BTAF1: variants seen among roughly 807,000 people sequenced by gnomAD.
BTAF1 encodes TATA-binding protein-associated factor 172.
A neutral mutation model predicts 227.1 loss-of-function variants in BTAF1; 38 were observed. That is an observed-to-expected ratio of 0.17 (90% CI 0.13 to 0.22). The LOEUF is 0.22. Among genes scored for constraint, BTAF1 ranks in the 10% least tolerant of loss-of-function variants. BTAF1 has a pLI of 1.00. For synonymous variants in BTAF1, 742 were observed against 751.9 expected (o/e 0.99, Z 0.21); for missense variants, 1,598 against 2,204.0 (o/e 0.73, Z 5.51).
At chr10:92,006,967 T>A (rs932530129) in intron 25 of BTAF1, among the ~76,000 whole-genome samples, 4 of 151,834 alleles carry the variant, frequency 2.6e-5, no homozygotes, top group Non-Finnish European at 4.4e-5. Flanking sequence ...AGTTAGTACA[T>A]CCAGGATGGA....
intron 18 of BTAF1, among the ~76,000 whole-genome samples, chr10:91,983,590 T>G (rs1378236078): frequency 1.3e-5 from 2 of 152,148 alleles, no homozygotes; most frequent in African/African-American, 2.4e-5. Flanking sequence ...CAGCAAGTGT[T>G]GACAGTTAGG....
Position 91,935,784 on chromosome 10 carries a change from A to G in BTAF1, c.138+4A>G. The G allele has an allele frequency of 1.3e-6, 2 of 1,599,692 alleles. No homozygotes were observed. The highest frequency in any genetic ancestry group is 8.5e-7 in the Non-Finnish European group (1 of 1,172,670). On this transcript the variant is annotated splice_donor_region_variant and intron_variant, in intron 2 of 37. Coordinates refer to ENST00000265990, the MANE Select transcript of BTAF1 (RefSeq NM_003972.3). ...ACTAAATAATCTCCTGTCTAAAGTA[A>G]GAACTTTTTTTTTTCTTTTAGCATA...
At position 92,028,853 on chromosome 10, in the gene BTAF1, G is replaced by A. The variant is rs986081512; in HGVS notation, c.5470G>A (p.Glu1824Lys). The change falls in exon 38 of 38, where the codon GAA becomes AAA. Residue 1824 changes from glutamate (E) to lysine (K), a missense_variant. Physicochemically the swap from Glu to Lys is moderately conservative, Grantham distance 56. Transcript: ENST00000265990. ...GAAAGCAAGTATGAAATCAATTCTT[G>A]AAAACCTGAGTGATCTTTGGGATCA... is the stretch of plus-strand genomic sequence containing the variant. ...SGKASMKSIL[E>K]NLSDLWDQEQ... 6.2e-7 allele frequency: 1 copy of A among 1,607,240 alleles called. No individual in the cohort carries two copies. The highest frequency in any genetic ancestry group is 8.5e-7 in the Non-Finnish European group (1 of 1,177,606).
At chr10:91,953,582 C>T (rs1369811646) in intron 5 of BTAF1, among the ~76,000 whole-genome samples, 155 bp from the exon 6 acceptor site, 1 of 152,086 alleles carries the variant, frequency 6.6e-6, no homozygotes, top group African/African-American at 2.4e-5. Flanking sequence ...AATTATGGTA[C>T]AGTCATACAA....
chr10:91,968,311 T>C (rs1197874342), intron 14 of BTAF1, among the ~76,000 whole-genome samples: 1 of 152,236 alleles, frequency 6.6e-6, no homozygotes, highest in African/African-American at 2.4e-5. Context: ...GTATGCTGCC[T>C]TTTCAAATTG....
At position 92,029,083 on chromosome 10, in the gene BTAF1, G is replaced by T; in HGVS notation, c.*150G>T. The T allele has an allele frequency of 9.6e-6, 6 of 625,826 alleles. No individual in the cohort carries two copies. Among genetic ancestry groups the T allele is most frequent in the Non-Finnish European group, 1.5e-5 (6 of 396,868 alleles). 38.8% of individuals were successfully genotyped at this position (625,826 alleles called of 1,614,324 possible). On this transcript the variant is annotated 3_prime_UTR_variant, in exon 38 of 38. Coordinates refer to ENST00000265990, the MANE Select transcript of BTAF1 (RefSeq NM_003972.3). Reference sequence around the variant, plus strand: ...TAATGCTGGCTCTTGTTTCACTGGGGGAAACAAGTTATTCTCAAATATTTG... The same window carrying T: ...TAATGCTGGCTCTTGTTTCACTGGGTGAAACAAGTTATTCTCAAATATTTG...
In BTAF1 at chr10:92,031,236, G is replaced by A. The variant is rs538594229; in HGVS notation, c.*2303G>A. 6.6e-6 allele frequency among the ~76,000 whole-genome samples: 1 copy of A among 152,116 alleles called. No homozygotes were observed. The highest frequency in any genetic ancestry group is 2.1e-4 in the South Asian group (1 of 4,822). The stretch of plus-strand genomic sequence containing the variant: ...AAAATCTTAACATTTGGGGGCCTGG[G>A]TATAATTTTTGTTTCATATATTCAC... On this transcript the variant is annotated 3_prime_UTR_variant, in exon 38 of 38. Coordinates refer to ENST00000265990, the MANE Select transcript of BTAF1 (RefSeq NM_003972.3).
chr10:92,005,185 C>CT (rs888018493), intron 25 of BTAF1, among the ~76,000 whole-genome samples: 25 of 151,924 alleles, frequency 1.6e-4, no homozygotes, highest in Admixed American at 6.6e-4. Flanking sequence ...AGCTTTGTTC[C>CT]TTTTGCTCAA....
chr10:91,965,270 G>A (rs1358567719), intron 13 of BTAF1, among the ~76,000 whole-genome samples: 1 of 152,158 alleles, frequency 6.6e-6, no homozygotes, highest in Admixed American at 6.5e-5. Context: ...TAAGCTGCAA[G>A]ATGAAGGGGT....
intron 18 of BTAF1, 44 bp downstream of exon 18, chr10:91,982,805 C>A (rs765384327): frequency 2.0e-6 from 3 of 1,515,446 alleles, no homozygotes; most frequent in Admixed American, 1.9e-5. Flanking sequence ...TTAAGTAAAC[C>A]AATTTCCATT....
chr10:92,002,760 A>G (rs1849634018), intron 25 of BTAF1, among the ~76,000 whole-genome samples: 1 of 152,172 alleles, frequency 6.6e-6, no homozygotes, highest in Non-Finnish European at 1.5e-5. Flanking sequence ...TTTAATTGAA[A>G]TTCTGTTTCC....
intron 19 of BTAF1, among the ~76,000 whole-genome samples, 186 bp downstream of exon 19, chr10:91,984,590 A>T (rs1441475505): frequency 6.6e-6 from 1 of 152,142 alleles, no homozygotes; most frequent in Non-Finnish European, 1.5e-5. Flanking sequence ...TAAGAGAATA[A>T]CAAAGAATTT....
rs1347250870 is a variant in BTAF1 at position 91,953,816 on chromosome 10, T to G, written c.644T>G (p.Met215Arg). 1 of 1,613,918 alleles carries G rather than the reference T, an allele frequency of 6.2e-7. No individual in the cohort carries two copies. The highest frequency in any genetic ancestry group is 1.3e-5 in the African/African-American group (1 of 74,914). Residue 215 changes from methionine (M) to arginine (R), a missense_variant, in exon 6 of 38, where the codon ATG (methionine) becomes AGG (arginine). Physicochemically the swap from Met to Arg is moderately conservative, Grantham distance 91. Around this residue, in one of 10 missense-constraint regions of BTAF1, gnomAD observed 298 missense variants for 395.2 expected, o/e 0.75. Transcript: ENST00000265990. ...SNRQKNKAKR[M>R]AKLFAKQRSR... Reference sequence around the variant, plus strand: ...AGACAAAAGAACAAAGCTAAAAGAATGGCCAAGTTATTTGCAAAACAGAGA... The same window carrying G: ...AGACAAAAGAACAAAGCTAAAAGAAGGGCCAAGTTATTTGCAAAACAGAGA...
In BTAF1 at chr10:92,025,005, T is replaced by C. The variant is rs117970919; in HGVS notation, c.5075+38T>C. 1.9e-3 allele frequency: 2,897 copies of C among 1,530,150 alleles called. 26 individuals carry two copies. Among genetic ancestry groups the C allele is most frequent in the South Asian group, 0.013 (1,121 of 84,852 alleles). 94.8% of individuals were successfully genotyped at this position (1,530,150 alleles called of 1,614,324 possible). The stretch of plus-strand genomic sequence containing the variant: ...TAAGACTCTTATTCATAAATAAATA[T>C]ATTATTACTTACATAGAAGTTTGCC... On this transcript the variant is annotated intron_variant, in intron 35 of 37. Transcript: ENST00000265990.
At chr10:91,986,637 C>A (rs1186491415) in intron 19 of BTAF1, among the ~76,000 whole-genome samples, 1 of 152,136 alleles carries the variant, frequency 6.6e-6, no homozygotes, top group African/African-American at 2.4e-5. Flanking sequence ...CCTCCTCTCC[C>A]TACTTTTTTG....
Position 91,981,763 on chromosome 10 carries a change from A to G in BTAF1, c.1876A>G (p.Met626Val), listed in dbSNP as rs750695393. 8 of 1,613,522 alleles carry G rather than the reference A, an allele frequency of 5.0e-6. No homozygotes were observed. In the African/African-American group the frequency reaches 8.0e-5, roughly 16 times the overall value. Residue 626 changes from methionine (M) to valine (V), a missense_variant, in exon 16 of 38, where the codon ATG (methionine) becomes GTG (valine). Around this residue, in one of 10 missense-constraint regions of BTAF1, gnomAD observed 318 missense variants for 435.0 expected, o/e 0.73. Coordinates refer to ENST00000265990, the MANE Select transcript of BTAF1 (RefSeq NM_003972.3). ...QPSHLPIDLN[M>V]LLEVKARAKE... Reference sequence around the variant, plus strand: ...TTCTCATTTACCTATCGATTTAAATATGTTGCTAGAAGTAAAAGCTAGAGC... The same window carrying G: ...TTCTCATTTACCTATCGATTTAAATGTGTTGCTAGAAGTAAAAGCTAGAGC...
chr10:91,953,344 T>C (rs1397598813), intron 5 of BTAF1, among the ~76,000 whole-genome samples: 1 of 152,186 alleles, frequency 6.6e-6, no homozygotes, highest in African/African-American at 2.4e-5. Flanking sequence ...CTATAATTTA[T>C]TTATTTATTT....
Position 91,993,712 on chromosome 10 carries a change from G to T in BTAF1, c.3064G>T (p.Val1022Leu). ...ELDEAQKPYLVQRRGAEFALT... is the reference protein window; with the variant it reads ...ELDEAQKPYLLQRRGAEFALT... The stretch of plus-strand genomic sequence containing the variant: ...TTTTAAGGCCCAGAAGCCTTACCTG[G>T]TACAACGGAGAGGAGCTGAATTTGC... Residue 1022 changes from valine (V) to leucine (L), a missense_variant, in exon 22 of 38, where the codon GTA becomes TTA. By Grantham distance (32) the Val-to-Leu change is conservative (BLOSUM62 1). Coordinates refer to ENST00000265990, the MANE Select transcript of BTAF1 (RefSeq NM_003972.3). 2 of 1,564,750 alleles carry T rather than the reference G, an allele frequency of 1.3e-6. No homozygotes were observed. Among genetic ancestry groups the T allele is most frequent in the Non-Finnish European group, 1.7e-6 (2 of 1,150,694 alleles).
chr10:91,942,295 A>AT (rs398114637), intron 3 of BTAF1, 127 bp from the exon 4 acceptor site: 3 of 553,824 alleles, frequency 5.4e-6, no homozygotes, highest in Non-Finnish European at 8.3e-6. Flanking sequence ...TAAAAAAAAA[A>AT]GTTTGTGTGT....
Sources: allele counts gnomAD v4.1 joint callset (sites outside exome capture counted in the v4.1 genomes callset), GRCh38; gene constraint gnomAD v4.1.1; regional missense constraint gnomAD v4.1.1; transcripts MANE v1.5; gene names NCBI Gene and HGNC (gene_info 2026-07-23, HGNC 2026-07-21).